Variants in CSMD1 observed in about 807,000 individuals in gnomAD.
CSMD1 encodes CUB and Sushi multiple domains 1.
In CSMD1, 213 loss-of-function variants were observed where a neutral mutation model predicts 417.5. The observed-to-expected ratio is 0.51, with a 90% CI of 0.46 to 0.57. The LOEUF (loss-of-function observed/expected upper bound fraction) is 0.57. Among genes scored for constraint, CSMD1 ranks in the 20% least tolerant of loss-of-function variants. The pLI is 0.00. For missense variants in CSMD1, 6,923 were observed against 4,529.7 expected (o/e 1.53, Z -15.17); for synonymous variants, 2,862 against 1,736.8 (o/e 1.65, Z -16.11).
chr8:4,271,901 T>C (rs779243769), intron 3 of CSMD1, among the ~76,000 whole-genome samples: 6 of 152,136 alleles, frequency 3.9e-5, no homozygotes, highest in Admixed American at 2.0e-4. Context: ...CCACAGGGGA[T>C]TGGTTCGAGG....
chr8:3,535,228 C>T (rs1041840125), intron 10 of CSMD1, among the ~76,000 whole-genome samples: 2 of 152,126 alleles, frequency 1.3e-5, no homozygotes, highest in African/African-American at 4.8e-5. Context: ...TCTAGGATTA[C>T]AGGCATGAGC....
At chr8:3,154,624 G>C (rs928869544) in intron 39 of CSMD1, among the ~76,000 whole-genome samples, 3 of 152,196 alleles carry the variant, frequency 2.0e-5, no homozygotes, top group African/African-American at 7.2e-5. Context: ...CAGTGAGACA[G>C]GGAGGTCCTG....
chr8:4,671,575 C>G (rs917075880), intron 1 of CSMD1, among the ~76,000 whole-genome samples: 1 of 152,224 alleles, frequency 6.6e-6, no homozygotes. Context: ...TCACCAGACA[C>G]TTTGAATAGT....
At chr8:4,162,054 G>A (rs1190421756) in intron 3 of CSMD1, among the ~76,000 whole-genome samples, 4 of 152,094 alleles carry the variant, frequency 2.6e-5, no homozygotes, top group Admixed American at 6.5e-5. Flanking sequence ...TTCCCTTAAT[G>A]TCAACCTTGA....
At chr8:4,074,075 G>T (rs972429903) in intron 3 of CSMD1, among the ~76,000 whole-genome samples, 1 of 151,976 alleles carries the variant, frequency 6.6e-6, no homozygotes, top group Admixed American at 6.6e-5. Context: ...ATATGGAATA[G>T]ACAAATTTTG....
At chr8:4,335,870 C>G (rs987652441) in intron 3 of CSMD1, among the ~76,000 whole-genome samples, 2 of 151,828 alleles carry the variant, frequency 1.3e-5, no homozygotes, top group African/African-American at 4.8e-5. Flanking sequence ...AACAGGGGGA[C>G]GAGAAAGTGG....
intron 6 of CSMD1, among the ~76,000 whole-genome samples, chr8:3,715,914 C>T (rs991723189): frequency 2.0e-5 from 3 of 152,212 alleles, no homozygotes; most frequent in African/African-American, 4.8e-5. Context: ...TCCTCTGCAG[C>T]TGCTGCAGCC....
chr8:3,934,794 C>T (rs1024647330), intron 5 of CSMD1, among the ~76,000 whole-genome samples: 1 of 152,016 alleles, frequency 6.6e-6, no homozygotes, highest in Non-Finnish European at 1.5e-5. Context: ...TTACAGTGAG[C>T]CAAAATCACG....
intron 5 of CSMD1, among the ~76,000 whole-genome samples, chr8:3,940,663 T>C (rs1810818647): frequency 6.6e-6 from 1 of 151,994 alleles, no homozygotes; most frequent in African/African-American, 2.4e-5. Context: ...GTTTCCTAGA[T>C]GTTCCCAAAT....
intron 1 of CSMD1, chr8:4,787,368 T>A: frequency 1.4e-6 from 1 of 730,726 alleles, no homozygotes; most frequent in Non-Finnish European, 2.5e-6. Flanking sequence ...TGGTAAAAAA[T>A]TGTATGAGGG....
intron 2 of CSMD1, among the ~76,000 whole-genome samples, chr8:4,465,716 A>C (rs77897909): frequency 0.014 from 2,199 of 152,288 alleles, 51 homozygotes; most frequent in African/African-American, 0.049. Context: ...ATGGTAGGAA[A>C]GGATGCTGGT....
intron 7 of CSMD1, among the ~76,000 whole-genome samples, chr8:3,645,414 C>T (rs1160007907): frequency 6.6e-6 from 1 of 152,134 alleles, no homozygotes; most frequent in Admixed American, 6.5e-5. Flanking sequence ...TGTCTGGGTA[C>T]CTTCTGGTCT....
chr8:4,692,678 C>A (rs886765281), intron 1 of CSMD1, among the ~76,000 whole-genome samples: 1 of 152,144 alleles, frequency 6.6e-6, no homozygotes, highest in African/African-American at 2.4e-5. Flanking sequence ...CCGATGGTCA[C>A]CATTTTATAA....
chr8:4,339,750 G>A (rs1447467503), intron 3 of CSMD1, among the ~76,000 whole-genome samples: 3 of 152,216 alleles, frequency 2.0e-5, no homozygotes, highest in African/African-American at 7.2e-5. Flanking sequence ...AAAGCTGAGT[G>A]CAGGGGCTTA....
chr8:3,255,994 C>T (rs56357052), intron 26 of CSMD1, among the ~76,000 whole-genome samples: 22,125 of 152,076 alleles, frequency 0.15, 1,700 homozygotes, highest in Admixed American at 0.19. Context: ...TGTTCCTATT[C>T]GGCCATCTTG....
Position 3,441,977 on chromosome 8 carries a change from A to T in CSMD1, c.1561+26735T>A, listed in dbSNP as rs367665339. On this transcript the variant is annotated intron_variant, in intron 12 of 69. Coordinates refer to ENST00000635120, the MANE Select transcript of CSMD1 (RefSeq NM_033225.6). ...CCCGAAGACTTTCCAGTGGGACAAG[A>T]TGTGGAGGCGGAAGACAGTGTGTAG... Among the ~76,000 whole-genome samples, 159 of 152,190 alleles carry T rather than the reference A, an allele frequency of 1.0e-3. 1 individual carries two copies. The Middle Eastern group carries it at 0.014, about 13-fold the overall frequency.
intron 1 of CSMD1, among the ~76,000 whole-genome samples, chr8:4,860,029 G>A (rs964082872): frequency 2.0e-5 from 3 of 152,074 alleles, no homozygotes; most frequent in Non-Finnish European, 4.4e-5. Flanking sequence ...AACAATGATA[G>A]ACTGGATTAA....
intron 3 of CSMD1, among the ~76,000 whole-genome samples, chr8:4,133,837 C>A (rs1647347): frequency 0.96 from 146,325 of 152,184 alleles, 70,609 homozygotes; most frequent in East Asian, 1. Flanking sequence ...GAAACACACA[C>A]CTGCTTTGCA....
At chr8:4,320,084 A>T (rs1166000450) in intron 3 of CSMD1, among the ~76,000 whole-genome samples, 2 of 152,220 alleles carry the variant, frequency 1.3e-5, no homozygotes, top group Admixed American at 6.5e-5. Flanking sequence ...CCCAACAAAC[A>T]TTACATGTTC....
Sources: allele counts gnomAD v4.1 joint callset (sites outside exome capture counted in the v4.1 genomes callset), GRCh38; gene constraint gnomAD v4.1.1; transcripts MANE v1.5; gene names NCBI Gene and HGNC (gene_info 2026-07-23, HGNC 2026-07-21).